FAM163A: variants seen among roughly 807,000 people sequenced by gnomAD.
FAM163A encodes the protein family with sequence similarity 163 member A.
FAM163A carries 7 observed loss-of-function variants against 12.0 expected under a neutral mutation model. The ratio of observed to expected loss-of-function variants is 0.58; its 90% CI spans 0.33 to 1.10. The LOEUF is 1.10. FAM163A is among the 50% of genes least tolerant of loss of function. FAM163A has a pLI of 0.03. For missense variants in FAM163A, 202 were observed against 218.6 expected (o/e 0.92, Z 0.48); for synonymous variants, 101 against 91.0 (o/e 1.11, Z -0.62).
chr1:179,794,970 C>A (rs1016603654), intron 1 of FAM163A, among the ~76,000 whole-genome samples: 1 of 152,160 alleles, frequency 6.6e-6, no homozygotes, highest in Non-Finnish European at 1.5e-5. Context: ...GGCCTGGGCT[C>A]CTTCCCACAT....
At chr1:179,795,838 C>T (rs1692215795) in intron 1 of FAM163A, among the ~76,000 whole-genome samples, 1 of 152,098 alleles carries the variant, frequency 6.6e-6, no homozygotes. Context: ...TTTCTAACCC[C>T]TCTCCCCAAG....
At chr1:179,801,497 C>T (rs957856617) in intron 1 of FAM163A, among the ~76,000 whole-genome samples, 3 of 152,296 alleles carry the variant, frequency 2.0e-5, no homozygotes, top group South Asian at 4.2e-4. Flanking sequence ...CTTGGAACAA[C>T]ATCAGCCCTC....
chr1:179,783,742 A>ATATATATATTATAT (rs1266648809), intron 1 of FAM163A, among the ~76,000 whole-genome samples: 1 of 63,768 alleles, frequency 1.6e-5, no homozygotes, highest in Non-Finnish European at 3.0e-5. Flanking sequence ...AATTGAGCCC[A>ATATATATATTATAT]AATATTATAT....
At chr1:179,793,460 C>T (rs555612209) in intron 1 of FAM163A, among the ~76,000 whole-genome samples, 11 of 152,228 alleles carry the variant, frequency 7.2e-5, no homozygotes, top group South Asian at 6.2e-4. Context: ...AAAGTATGTG[C>T]GTGGTGAAAG....
At chr1:179,777,924 T>C (rs1391453314) in intron 1 of FAM163A, among the ~76,000 whole-genome samples, 3 of 152,228 alleles carry the variant, frequency 2.0e-5, no homozygotes, top group Non-Finnish European at 4.4e-5. Flanking sequence ...ACTGACTGGC[T>C]GCATGTTGCT....
In FAM163A at chr1:179,813,860, G is replaced by A. The variant is rs747550869; in HGVS notation, c.175G>A (p.Gly59Ser). 1.4e-5 allele frequency: 23 copies of A among 1,613,880 alleles called. No homozygotes were observed. In the East Asian group the frequency reaches 4.5e-4, roughly 31 times the overall value. Reference sequence around the variant, plus strand: ...GCACGACCTTCCCACGCATCCCAGAGGCCCCACCTGCAATGCCTGCAGCTC... The same window carrying A: ...GCACGACCTTCCCACGCATCCCAGAAGCCCCACCTGCAATGCCTGCAGCTC... The part of the protein sequence containing the change: ...REHDLPTHPR[G>S]PTCNACSSQA... Residue 59 changes from glycine (G) to serine (S), a missense_variant, in exon 5 of 5, where the codon GGC becomes AGC. By Grantham distance (56) the Gly-to-Ser change is moderately conservative. Coordinates refer to ENST00000341785, the MANE Select transcript of FAM163A (RefSeq NM_173509.3).
intron 1 of FAM163A, among the ~76,000 whole-genome samples, chr1:179,750,001 A>G (rs1245501030): frequency 1.3e-5 from 2 of 152,228 alleles, no homozygotes; most frequent in Admixed American, 1.3e-4. Flanking sequence ...GAATTGGGGA[A>G]AGACTACCAG....
intron 1 of FAM163A, among the ~76,000 whole-genome samples, chr1:179,761,919 A>T (rs144264828): frequency 8.0e-4 from 122 of 152,046 alleles, no homozygotes; most frequent in Middle Eastern, 6.8e-3. Context: ...CCCATTTTAG[A>T]GCTGTTGAAA....
intron 1 of FAM163A, among the ~76,000 whole-genome samples, chr1:179,760,775 C>T (rs770370288): frequency 6.6e-6 from 1 of 152,184 alleles, no homozygotes; most frequent in Non-Finnish European, 1.5e-5. Context: ...ACCCTTGCTA[C>T]CAGGGGCACT....
chr1:179,756,846 G>A (rs1686092342), intron 1 of FAM163A, among the ~76,000 whole-genome samples: 1 of 152,160 alleles, frequency 6.6e-6, no homozygotes. Context: ...GGGATAACAA[G>A]TTTCCAGTAG....
At chr1:179,750,914 T>C (rs776055327) in intron 1 of FAM163A, among the ~76,000 whole-genome samples, 4 of 151,916 alleles carry the variant, frequency 2.6e-5, no homozygotes, top group Non-Finnish European at 2.9e-5. Context: ...GATGGTAAAA[T>C]GGAGAGGAAG....
chr1:179,786,395 A>G (rs1455668546), intron 1 of FAM163A, among the ~76,000 whole-genome samples: 4 of 152,220 alleles, frequency 2.6e-5, no homozygotes, highest in Non-Finnish European at 4.4e-5. Flanking sequence ...AAAGAGTCTT[A>G]GGGCCAGCCA....
intron 1 of FAM163A, among the ~76,000 whole-genome samples, chr1:179,758,767 T>C (rs1686389388): frequency 6.6e-6 from 1 of 152,110 alleles, no homozygotes; most frequent in Non-Finnish European, 1.5e-5. Flanking sequence ...CTTCCTGGAG[T>C]TCCTTGAATC....
intron 1 of FAM163A, among the ~76,000 whole-genome samples, chr1:179,763,870 G>A (rs1687130042): frequency 6.6e-6 from 1 of 152,158 alleles, no homozygotes; most frequent in Admixed American, 6.5e-5. Context: ...TCTCCTAGAG[G>A]ACTTAGCTGG....
At chr1:179,764,439 T>G (rs2148064796) in intron 1 of FAM163A, among the ~76,000 whole-genome samples, 1 of 152,336 alleles carries the variant, frequency 6.6e-6, no homozygotes, top group Middle Eastern at 3.4e-3. Context: ...AAACAGGTTG[T>G]GCAACCTCTC....
rs193288544 is a variant in FAM163A at position 179,755,043 on chromosome 1, A to C, written c.-136+11620A>C. Among the ~76,000 whole-genome samples, 593 of 152,110 alleles carry C rather than the reference A, an allele frequency of 3.9e-3. 6 individuals are homozygous for C. The highest frequency in any genetic ancestry group is 0.034 in the Middle Eastern group (10 of 294). On this transcript the variant is annotated intron_variant, in intron 1 of 4. Coordinates refer to ENST00000341785, the MANE Select transcript of FAM163A (RefSeq NM_173509.3). ...TCCCAGCTGCTTGGGAGGCTGAGGC[A>C]CGAGAATTGCTTGAACCCAGGAGGC...
intron 1 of FAM163A, among the ~76,000 whole-genome samples, chr1:179,762,414 G>C (rs550303747): frequency 6.6e-5 from 10 of 152,244 alleles, no homozygotes; most frequent in South Asian, 6.2e-4. Context: ...GTGTTCACCT[G>C]GTTGCGCTCC....
At chr1:179,751,684 C>A (rs1007816960) in intron 1 of FAM163A, among the ~76,000 whole-genome samples, 5 of 151,594 alleles carry the variant, frequency 3.3e-5, no homozygotes, top group Admixed American at 2.6e-4. Flanking sequence ...CTCTAGCAAG[C>A]AGACTCAAAA....
intron 1 of FAM163A, among the ~76,000 whole-genome samples, chr1:179,791,997 A>C (rs1691579759): frequency 6.6e-6 from 1 of 152,202 alleles, no homozygotes; most frequent in Admixed American, 6.5e-5. Flanking sequence ...TCACTCTGCC[A>C]GGCAATGGAG....
Sources: allele counts gnomAD v4.1 joint callset (sites outside exome capture counted in the v4.1 genomes callset), GRCh38; gene constraint gnomAD v4.1.1; transcripts MANE v1.5; gene names NCBI Gene and HGNC (gene_info 2026-07-23, HGNC 2026-07-21).